ZPBP: variants seen among roughly 807,000 people sequenced by gnomAD.
The protein encoded by ZPBP is zona pellucida binding protein, also known as zona pellucida-binding protein 1.
In ZPBP, 26 loss-of-function variants were observed where a neutral mutation model predicts 44.8. The ratio of observed to expected loss-of-function variants is 0.58; its 90% CI spans 0.43 to 0.81. The LOEUF (loss-of-function observed/expected upper bound fraction) is 0.81, where lower values mean the gene tolerates loss of function less well. Among genes scored for constraint, ZPBP ranks in the 30% least tolerant of loss-of-function variants. The probability of loss-of-function intolerance (pLI) is 0.00; values close to 1 mark genes in which losing one functional copy is unlikely to be tolerated. For missense variants in ZPBP, 409 were observed against 434.0 expected, an observed-to-expected ratio of 0.94 and a Z score of 0.51; for synonymous variants, 174 against 153.2, an observed-to-expected ratio of 1.14 and a Z score of -1.00.
At chr7:49,945,026 G>C (rs1331027587) in intron 7 of ZPBP, among the ~76,000 whole-genome samples, 1 of 151,996 alleles carries the variant, frequency 6.6e-6, no homozygotes, top group Admixed American at 6.6e-5. Context: ...GTATCCCACA[G>C]GTTTAGGTAC....
At chr7:50,068,230 C>T (rs1412037722) in intron 3 of ZPBP, among the ~76,000 whole-genome samples, 1 of 152,100 alleles carries the variant, frequency 6.6e-6, no homozygotes, top group Non-Finnish European at 1.5e-5. Flanking sequence ...TTATTGGACG[C>T]CAGGTGGTTG....
chr7:49,912,210 AC>A (rs1793494108), intron 1 of ZPBP: 2 of 1,612,524 alleles, frequency 1.2e-6, no homozygotes, highest in Non-Finnish European at 1.7e-6. Context: ...ACAAACTCTG[AC>A]TTTTTCTAGA....
At chr7:50,024,747 A>G (rs185373727) in intron 5 of ZPBP, among the ~76,000 whole-genome samples, 3 of 151,858 alleles carry the variant, frequency 2.0e-5, no homozygotes, top group African/African-American at 7.2e-5. Flanking sequence ...TAGAGATCTG[A>G]TGTTCTGATG....
chr7:50,007,216 C>G (rs1285620340), intron 6 of ZPBP, among the ~76,000 whole-genome samples: 1 of 151,860 alleles, frequency 6.6e-6, no homozygotes, highest in Non-Finnish European at 1.5e-5. Flanking sequence ...TATAAATTAC[C>G]CTTTCTAAGG....
intron 5 of ZPBP, among the ~76,000 whole-genome samples, chr7:50,026,712 C>CA (rs1178966521): frequency 6.6e-6 from 1 of 151,666 alleles, no homozygotes; most frequent in Non-Finnish European, 1.5e-5. Context: ...TCTATGGCTA[C>CA]AAAAAACAAA....
intron 6 of ZPBP, among the ~76,000 whole-genome samples, chr7:49,983,826 T>C (rs1039732100): frequency 2.0e-5 from 3 of 152,042 alleles, no homozygotes; most frequent in African/African-American, 7.2e-5. Flanking sequence ...CTCTTTGAAA[T>C]TGATTAAGAA....
chr7:49,967,680 G>A (rs1355585195), intron 7 of ZPBP, among the ~76,000 whole-genome samples: 1 of 152,112 alleles, frequency 6.6e-6, no homozygotes. Flanking sequence ...CTGACTAGCT[G>A]GGATTACAGG....
intron 2 of ZPBP, among the ~76,000 whole-genome samples, chr7:49,881,394 G>C (rs1237610055): frequency 1.3e-5 from 2 of 152,132 alleles, no homozygotes; most frequent in Non-Finnish European, 1.5e-5. Flanking sequence ...GTGGTCATAG[G>C]GGAGTCTGGA....
At chr7:50,013,907 C>A (rs759700058) in intron 6 of ZPBP, among the ~76,000 whole-genome samples, 1 of 151,954 alleles carries the variant, frequency 6.6e-6, no homozygotes, top group African/African-American at 2.4e-5. Context: ...ATGGCAGTGG[C>A]ATTGTTTTTC....
At chr7:49,897,117 G>C (rs1297762943) in intron 2 of ZPBP, among the ~76,000 whole-genome samples, 1 of 151,612 alleles carries the variant, frequency 6.6e-6, no homozygotes, top group Non-Finnish European at 1.5e-5. Context: ...GGATGGTCTC[G>C]ATCTCCTGAC....
At chr7:49,969,808 T>TAGAG (rs1289461694) in intron 7 of ZPBP, among the ~76,000 whole-genome samples, 1 of 106,928 alleles carries the variant, frequency 9.4e-6, no homozygotes, top group Admixed American at 1.1e-4. Flanking sequence ...TAAATGTATA[T>TAGAG]ATATATATAT....
chr7:50,016,330 T>C (rs1798818406), intron 6 of ZPBP, among the ~76,000 whole-genome samples: 1 of 152,160 alleles, frequency 6.6e-6, no homozygotes, highest in African/African-American at 2.4e-5. Flanking sequence ...AAATACCACA[T>C]GTTGTCACTT....
intron 1 of ZPBP, among the ~76,000 whole-genome samples, chr7:49,929,917 CTCAT>C (rs1231398171): frequency 6.6e-6 from 1 of 152,194 alleles, no homozygotes; most frequent in Non-Finnish European, 1.5e-5. Flanking sequence ...CTGTTCAACA[CTCAT>C]TCAAAGTCCT....
At chr7:49,950,873 A>G (rs1317753390) in intron 7 of ZPBP, among the ~76,000 whole-genome samples, 1 of 151,844 alleles carries the variant, frequency 6.6e-6, no homozygotes, top group Non-Finnish European at 1.5e-5. Context: ...TACAATAATC[A>G]AAACAGTGTG....
At chr7:50,015,516 A>C (rs942559231) in intron 6 of ZPBP, among the ~76,000 whole-genome samples, 2 of 152,144 alleles carry the variant, frequency 1.3e-5, no homozygotes, top group Non-Finnish European at 2.9e-5. Flanking sequence ...TTCATGATGA[A>C]GTCTCCAAAT....
At position 49,857,009 on chromosome 7, in the gene ZPBP, CAAAAAAAAAAAAAA is replaced by C. The variant is rs59910243; in HGVS notation, n.510-6509_510-6496del. Among the ~76,000 whole-genome samples the C allele has an allele frequency of 1.3e-3, 69 of 52,788 alleles. 2 individuals are homozygous for C. In the South Asian group the frequency reaches 0.062, roughly 48 times the overall value. The allele number at this position is 52,788 out of a possible 152,430, so 34.6% of individuals were successfully genotyped here. ...TGGGTGACAGAGCCAGATACTGTCT[CAAAAAAAAAAAAAA>C]AAAAAAAAAAAAAAAAAAGACGTAA... is the stretch of plus-strand genomic sequence containing the variant. On this transcript the variant is annotated intron_variant and non_coding_transcript_variant, in intron 2 of 2. Transcript: ENST00000465922.
intron 6 of ZPBP, among the ~76,000 whole-genome samples, chr7:50,017,642 C>G (rs1798881821): frequency 1.3e-5 from 2 of 151,972 alleles, no homozygotes; most frequent in Non-Finnish European, 2.9e-5. Context: ...ACTTTACAAC[C>G]ATTATAATGT....
At chr7:49,948,362 A>G (rs1442273217) in intron 7 of ZPBP, among the ~76,000 whole-genome samples, 1 of 152,206 alleles carries the variant, frequency 6.6e-6, no homozygotes, top group Non-Finnish European at 1.5e-5. Flanking sequence ...CAAAAGCACA[A>G]GAAATAAAGA....
chr7:50,012,729 G>A (rs1798643226), intron 6 of ZPBP, among the ~76,000 whole-genome samples: 1 of 148,284 alleles, frequency 6.7e-6, no homozygotes, highest in South Asian at 2.2e-4. Context: ...AGGATCAGGA[G>A]AAAGAAAAGG....
Sources: allele counts gnomAD v4.1 joint callset (sites outside exome capture counted in the v4.1 genomes callset), GRCh38; gene constraint gnomAD v4.1.1; transcripts MANE v1.5; gene names NCBI Gene and HGNC (gene_info 2026-07-23, HGNC 2026-07-21).